PALLD: variants seen among roughly 807,000 people sequenced by gnomAD.
The protein encoded by PALLD is palladin, cytoskeletal associated protein, also known as palladin.
A neutral mutation model predicts 123.5 loss-of-function variants in PALLD; 61 were observed. That is an observed-to-expected ratio of 0.49 (90% confidence interval 0.40 to 0.61). The LOEUF (loss-of-function observed/expected upper bound fraction) is 0.61. Ranked by LOEUF, PALLD falls within the 20% of genes least tolerant of loss-of-function variation. The pLI, the probability that PALLD is intolerant of heterozygous loss-of-function variation, is 0.00. For missense variants in PALLD, 1,273 were observed against 1,377.0 expected (o/e 0.92, Z 1.20); for synonymous variants, 465 against 496.4 (o/e 0.94, Z 0.84).
chr4:168,588,598 A>G (rs995939791), intron 2 of PALLD, among the ~76,000 whole-genome samples: 2 of 151,866 alleles, frequency 1.3e-5, no homozygotes, highest in African/African-American at 4.8e-5. Flanking sequence ...AGTAGAGACG[A>G]GATTTTGCCA....
chr4:168,690,626 G>T lies in PALLD; in HGVS notation c.1359G>T (p.Ala453=), dbSNP rs766551069. ...FTKELQNTAV[A]EGQVVVLECR... Reference sequence around the variant, plus strand: ...AGGAACTGCAAAACACAGCCGTGGCGGAAGGCCAGGTGGTGGTTCTGGAGT... The same window carrying T: ...AGGAACTGCAAAACACAGCCGTGGCTGAAGGCCAGGTGGTGGTTCTGGAGT... The change falls in exon 7 of 22, where the codon GCG becomes GCT. Residue 453 remains alanine (A), a synonymous_variant. Transcript: ENST00000505667. 6.2e-7 allele frequency: 1 copy of T among 1,614,056 alleles called. No individual in the cohort carries two copies. The highest frequency in any genetic ancestry group is 1.7e-5 in the Admixed American group (1 of 59,994).
chr4:168,894,488 A>G, intron 11 of PALLD, 91 bp from the exon 12 acceptor site: 1 of 789,136 alleles, frequency 1.3e-6, no homozygotes, highest in Non-Finnish European at 2.2e-6. Context: ...GAAAATCATG[A>G]AAGTGTGTTG....
chr4:168,811,489 C>A (rs563405548), intron 10 of PALLD, among the ~76,000 whole-genome samples: 2 of 152,300 alleles, frequency 1.3e-5, no homozygotes, highest in South Asian at 2.1e-4. Context: ...AATGCCAGCA[C>A]TTTGGGAAGC....
At chr4:168,711,313 CTT>C (rs1017264506) in intron 9 of PALLD, among the ~76,000 whole-genome samples, 1 of 152,140 alleles carries the variant, frequency 6.6e-6, no homozygotes, top group African/African-American at 2.4e-5. Context: ...ATCTTTAGCT[CTT>C]GTTTGGAATT....
At chr4:168,818,939 G>C (rs546260922) in intron 10 of PALLD, among the ~76,000 whole-genome samples, 28 of 152,294 alleles carry the variant, frequency 1.8e-4, no homozygotes, top group African/African-American at 6.0e-4. Flanking sequence ...TGGTGAAATA[G>C]TGCTAGTGTG....
chr4:168,874,976 C>G (rs1751547392), intron 10 of PALLD, among the ~76,000 whole-genome samples: 1 of 151,278 alleles, frequency 6.6e-6, no homozygotes, highest in Admixed American at 6.6e-5. Flanking sequence ...TGTGTAAGAC[C>G]AAAGATTTAA....
chr4:168,801,885 G>A (rs914679398), intron 10 of PALLD, among the ~76,000 whole-genome samples: 42 of 152,290 alleles, frequency 2.8e-4, no homozygotes, highest in African/African-American at 1.0e-3. Context: ...CAGCCAGAGG[G>A]TGAGAGTGGC....
intron 2 of PALLD, among the ~76,000 whole-genome samples, chr4:168,559,878 G>A (rs372451493): frequency 1.4e-4 from 21 of 151,710 alleles, no homozygotes; most frequent in East Asian, 5.8e-4. Context: ...GAGTGAAACC[G>A]GGTCTCAAAA....
chr4:168,512,783 G>T (rs4289411), intron 2 of PALLD, among the ~76,000 whole-genome samples: 1 of 151,964 alleles, frequency 6.6e-6, no homozygotes, highest in Non-Finnish European at 1.5e-5. Context: ...TGCTAAAGAC[G>T]GTTGAAAGCA....
chr4:168,831,118 G>C (rs987518640), intron 10 of PALLD, among the ~76,000 whole-genome samples: 2 of 152,230 alleles, frequency 1.3e-5, no homozygotes, highest in Non-Finnish European at 2.9e-5. Context: ...TGCCAACCCA[G>C]CTACTGGAGG....
At position 168,551,403 on chromosome 4, in the gene PALLD, T is replaced by A. The variant is rs190395436; in HGVS notation, c.908+38991T>A. On this transcript the variant is annotated intron_variant, in intron 2 of 21. Transcript: ENST00000505667. The stretch of plus-strand genomic sequence containing the variant: ...ATTTTATACATAAGGATTCCAGGAG[T>A]ATACTTCATAACCACAAACTTGGGA... Among the ~76,000 whole-genome samples, 14 of 152,196 alleles carry A rather than the reference T, an allele frequency of 9.2e-5. No homozygotes were observed. In the East Asian group the frequency reaches 2.3e-3, roughly 25 times the overall value.
chr4:168,664,846 T>C (rs1347928531), intron 2 of PALLD, among the ~76,000 whole-genome samples: 2 of 152,060 alleles, frequency 1.3e-5, no homozygotes, highest in Non-Finnish European at 2.9e-5. Flanking sequence ...GCATAGTTTC[T>C]GGCCAGTATT....
intron 10 of PALLD, among the ~76,000 whole-genome samples, chr4:168,806,400 C>G (rs1561544271): frequency 6.6e-6 from 1 of 152,162 alleles, no homozygotes; most frequent in Non-Finnish European, 1.5e-5. Flanking sequence ...GCACTTCCCC[C>G]TTTGCTCTCT....
chr4:168,550,141 T>G lies in PALLD; in HGVS notation c.908+37729T>G, dbSNP rs187688899. On this transcript the variant is annotated intron_variant, in intron 2 of 21. Coordinates refer to ENST00000505667, the MANE Select transcript of PALLD (RefSeq NM_001166108.2). ...CATTTCCCCTGTATCAGCAAATACT[T>G]AGGATAACTGTGGGCCTGGGATTGT... Among the ~76,000 whole-genome samples the G allele has an allele frequency of 5.7e-4, 87 of 152,306 alleles. 1 individual carries two copies. The highest frequency in any genetic ancestry group is 5.0e-3 in the Admixed American group (77 of 15,298).
chr4:168,712,469 G>A (rs1009324211), intron 10 of PALLD, among the ~76,000 whole-genome samples: 13 of 152,078 alleles, frequency 8.5e-5, no homozygotes, highest in Non-Finnish European at 2.9e-5. Flanking sequence ...ACTTGGCTTG[G>A]AATTCCATGG....
chr4:168,876,125 C>T (rs1366529070), intron 10 of PALLD, among the ~76,000 whole-genome samples: 1 of 152,180 alleles, frequency 6.6e-6, no homozygotes, highest in Non-Finnish European at 1.5e-5. Context: ...TGTTGATAAA[C>T]ATCCTGGGAC....
chr4:168,924,470 T>C lies in PALLD; in HGVS notation c.3224+50T>C, dbSNP rs139794743. 4.1e-3 allele frequency: 6,210 copies of C among 1,497,382 alleles called. 35 individuals carry two copies. The highest frequency in any genetic ancestry group is 4.2e-3 in the Admixed American group (252 of 59,852). The allele number at this position is 1,497,382 out of a possible 1,614,324, so 92.8% of individuals were successfully genotyped here. ...ATCCTTAACTGTTCAGTCCTAATGATGTATCAAAAGATACATTTTATATAG... is the reference window on the plus strand; with the variant it reads ...ATCCTTAACTGTTCAGTCCTAATGACGTATCAAAAGATACATTTTATATAG... On this transcript the variant is annotated intron_variant, in intron 19 of 21. Transcript: ENST00000505667.
chr4:168,682,948 A>T, intron 4 of PALLD, 50 bp from the exon 5 acceptor site: 1 of 1,187,126 alleles, frequency 8.4e-7, no homozygotes, highest in Non-Finnish European at 1.2e-6. Context: ...AAAACAAAAA[A>T]ACGAAAACAA....
At position 168,632,202 on chromosome 4, in the gene PALLD, T is replaced by TA. The variant is rs890417467; in HGVS notation, c.909-35980dup. 5.5e-4 allele frequency among the ~76,000 whole-genome samples: 84 copies of TA among 151,552 alleles called. No homozygotes were observed. In the South Asian group the frequency reaches 0.016, roughly 28 times the overall value. ...CCACCTCACCCTTTTTTTTTTCCAT[T>TA]AAAAAAAATGATACTTTTAGAGAAG... is the stretch of plus-strand genomic sequence containing the variant. On this transcript the variant is annotated intron_variant, in intron 2 of 21. Transcript: ENST00000505667.
Sources: gnomAD v4.1 joint callset for allele counts (sites outside exome capture counted in the v4.1 genomes callset) on GRCh38, gnomAD v4.1.1 for gene constraint, MANE v1.5 for transcripts, NCBI Gene and HGNC (gene_info 2026-07-23, HGNC 2026-07-21) for gene names.